The following FHIP1A variants were observed in gnomAD, a reference collection of about 807,000 sequenced individuals.
FHIP1A encodes the protein FHF complex subunit HOOK-interacting protein 1A.
A neutral mutation model predicts 88.6 loss-of-function variants in FHIP1A; 61 were observed. The ratio of observed to expected loss-of-function variants is 0.69; its 90% confidence interval spans 0.56 to 0.85. The LOEUF (loss-of-function observed/expected upper bound fraction) is 0.85, where lower values mean the gene tolerates loss of function less well. Among genes scored for constraint, FHIP1A ranks in the 40% least tolerant of loss-of-function variants. FHIP1A has a pLI of 0.00. For synonymous variants in FHIP1A, 478 were observed against 496.0 expected (o/e 0.96, Z 0.48); for missense variants, 1,154 against 1,273.5 (o/e 0.91, Z 1.43).
In FHIP1A at chr4:151,409,545, A is replaced by G. The variant is rs72725979; in HGVS notation, c.-356+80A>G. 7.2e-3 allele frequency: 1,096 copies of G among 152,706 alleles called. 9 individuals are homozygous for G. Among genetic ancestry groups the G allele is most frequent in the Non-Finnish European group, 0.01 (685 of 68,448 alleles). 9.5% of individuals were successfully genotyped at this position (152,706 alleles called of 1,614,324 possible). A position where few individuals can be genotyped will look rare whatever the true frequency, so the allele number is the denominator to read the frequency against. ...GGTTGAAGGAGGAGGGAGAGTCGAA[A>G]TGTCCCTTCTCTGCATCCGCCAACT... On this transcript the variant is annotated intron_variant, in intron 1 of 13. Transcript: ENST00000435205.
chr4:151,438,905 A>G (rs1728306502), intron 1 of FHIP1A, among the ~76,000 whole-genome samples: 1 of 152,088 alleles, frequency 6.6e-6, no homozygotes. Context: ...CAGCCTCCGG[A>G]ATTTTGTTTA....
At chr4:151,422,566 T>A (rs1389542223) in intron 1 of FHIP1A, among the ~76,000 whole-genome samples, 1 of 152,136 alleles carries the variant, frequency 6.6e-6, no homozygotes, top group Non-Finnish European at 1.5e-5. Context: ...TTAATATTTC[T>A]TTTTAGTAGA....
intron 3 of FHIP1A, among the ~76,000 whole-genome samples, chr4:151,535,267 C>A (rs1732026303): frequency 6.6e-6 from 1 of 152,108 alleles, no homozygotes; most frequent in South Asian, 2.1e-4. Flanking sequence ...CACTGAAAAC[C>A]TAAAAGCAAA....
chr4:151,493,523 A>G, intron 3 of FHIP1A, among the ~76,000 whole-genome samples: 1 of 152,196 alleles, frequency 6.6e-6, no homozygotes, highest in East Asian at 1.9e-4. Flanking sequence ...ACCAAAAAAA[A>G]AGAAAATTAC....
At chr4:151,557,937 A>G (rs1436940549) in intron 3 of FHIP1A, among the ~76,000 whole-genome samples, 1 of 152,166 alleles carries the variant, frequency 6.6e-6, no homozygotes, top group Non-Finnish European at 1.5e-5. Flanking sequence ...TGCGTGTGCT[A>G]CAGTGTATGT....
chr4:151,545,206 A>C (rs534021843), intron 3 of FHIP1A, among the ~76,000 whole-genome samples: 1 of 152,182 alleles, frequency 6.6e-6, no homozygotes, highest in African/African-American at 2.4e-5. Context: ...AATGAAAAGT[A>C]AATGCAATGA....
At chr4:151,572,610 G>A (rs1733638038) in intron 4 of FHIP1A, among the ~76,000 whole-genome samples, 1 of 152,192 alleles carries the variant, frequency 6.6e-6, no homozygotes, top group Non-Finnish European at 1.5e-5. Context: ...ACATTAAGTG[G>A]AATTTGGCTT....
At chr4:151,551,643 G>A (rs1732738511) in intron 3 of FHIP1A, among the ~76,000 whole-genome samples, 1 of 152,154 alleles carries the variant, frequency 6.6e-6, no homozygotes, top group Non-Finnish European at 1.5e-5. Flanking sequence ...GTAGACAGCT[G>A]AAACTGGATC....
At chr4:151,581,217 A>G (rs1164378153) in intron 5 of FHIP1A, among the ~76,000 whole-genome samples, 1 of 152,176 alleles carries the variant, frequency 6.6e-6, no homozygotes, top group Non-Finnish European at 1.5e-5. Context: ...TTGGATACAT[A>G]TGTATACAGT....
intron 3 of FHIP1A, among the ~76,000 whole-genome samples, chr4:151,485,983 G>A (rs1730069473): frequency 1.3e-5 from 2 of 152,296 alleles, no homozygotes; most frequent in Admixed American, 6.5e-5. Flanking sequence ...CATGGATGAC[G>A]GGGATGGCGT....
At position 151,650,488 on chromosome 4, in the gene FHIP1A, C is replaced by T. The variant is rs553033366; in HGVS notation, c.2447C>T (p.Ala816Val). 170 of 1,551,548 alleles carry T rather than the reference C, an allele frequency of 1.1e-4. No individual in the cohort carries two copies. The highest frequency in any genetic ancestry group is 4.0e-4 in the African/African-American group (29 of 73,168). Residue 816 changes from alanine (A) to valine (V), a missense_variant, in exon 11 of 14, where the codon GCG (alanine) becomes GTG (valine). By Grantham distance (64) the Ala-to-Val change is moderately conservative. Transcript: ENST00000435205. Reference sequence around the variant, plus strand: ...GAGGATGACTTTGACTCTTTTATAGCGGAGATGCCTGCTGTAGAGACTGTG... The same window carrying T: ...GAGGATGACTTTGACTCTTTTATAGTGGAGATGCCTGCTGTAGAGACTGTG... ...DEEDDFDSFI[A>V]EMPAVETVPS...
At chr4:151,549,015 C>T (rs1038816417) in intron 3 of FHIP1A, among the ~76,000 whole-genome samples, 1 of 152,178 alleles carries the variant, frequency 6.6e-6, no homozygotes, top group Admixed American at 6.5e-5. Context: ...ACTGTTGTGT[C>T]ATTCCCCTAT....
intron 1 of FHIP1A, among the ~76,000 whole-genome samples, chr4:151,445,968 A>C (rs922682404): frequency 6.6e-6 from 1 of 151,236 alleles, no homozygotes; most frequent in Non-Finnish European, 1.5e-5. Context: ...AAAGATTGCT[A>C]TGAAGGTAGC....
At chr4:151,659,488 C>T (rs1578874429) in intron 13 of FHIP1A, among the ~76,000 whole-genome samples, 3 of 152,170 alleles carry the variant, frequency 2.0e-5, no homozygotes, top group South Asian at 2.1e-4. Flanking sequence ...GTGCTCTGCC[C>T]TTTGCCTAAT....
intron 1 of FHIP1A, among the ~76,000 whole-genome samples, chr4:151,410,358 C>T (rs1344176405): frequency 6.6e-6 from 1 of 152,038 alleles, no homozygotes; most frequent in Non-Finnish European, 1.5e-5. Context: ...GAGGAGTAAA[C>T]AATGCCTAAC....
chr4:151,433,835 T>C (rs925447428), intron 1 of FHIP1A, among the ~76,000 whole-genome samples: 1 of 152,190 alleles, frequency 6.6e-6, no homozygotes, highest in Non-Finnish European at 1.5e-5. Context: ...CTTGAAAAAT[T>C]GCATGCCTGG....
At chr4:151,458,430 C>T (rs1729039204) in intron 2 of FHIP1A, among the ~76,000 whole-genome samples, 1 of 152,002 alleles carries the variant, frequency 6.6e-6, no homozygotes, top group South Asian at 2.1e-4. Flanking sequence ...AAAGTCTTCA[C>T]CAGGTACTTT....
At chr4:151,535,727 G>T (rs1732045248) in intron 3 of FHIP1A, among the ~76,000 whole-genome samples, 1 of 152,300 alleles carries the variant, frequency 6.6e-6, no homozygotes, top group African/African-American at 2.4e-5. Context: ...CAAGAATAGT[G>T]CCTGGCCTGT....
intron 3 of FHIP1A, among the ~76,000 whole-genome samples, chr4:151,564,043 T>C (rs918714456): frequency 3.9e-5 from 6 of 152,142 alleles, no homozygotes; most frequent in African/African-American, 1.4e-4. Flanking sequence ...ACTAGTAAGC[T>C]CATGACATTG....
Sources: gnomAD v4.1 joint callset for allele counts (sites outside exome capture counted in the v4.1 genomes callset) on GRCh38, gnomAD v4.1.1 for gene constraint, MANE v1.5 for transcripts, NCBI Gene and HGNC (gene_info 2026-07-23, HGNC 2026-07-21) for gene names.